Variants in STS observed in about 807,000 individuals in gnomAD.
The protein encoded by STS is steryl-sulfatase.
STS carries 7 observed loss-of-function variants against 26.8 expected under a neutral mutation model. The ratio of observed to expected loss-of-function variants is 0.26; its 90% confidence interval spans 0.15 to 0.49. The LOEUF (loss-of-function observed/expected upper bound fraction) is 0.49. Among genes scored for constraint, STS ranks in the 20% least tolerant of loss-of-function variants. The pLI is 0.98. For missense variants in STS, 434 were observed against 465.6 expected (o/e 0.93, Z 0.63); for synonymous variants, 199 against 189.4 (o/e 1.05, Z -0.42).
intron 1 of STS, among the ~76,000 whole-genome samples, chrX:7,152,873 T>C (rs907162613): frequency 8.9e-6 from 1 of 112,771 alleles, no homozygotes; most frequent in Admixed American, 9.3e-5. Context: ...TTCCAGTTAA[T>C]AACAAGAAAG....
intron 6 of STS, among the ~76,000 whole-genome samples, chrX:7,266,262 T>C (rs1324539112): frequency 5.4e-5 from 6 of 111,992 alleles, no homozygotes; most frequent in Non-Finnish European, 1.1e-4. Flanking sequence ...ACTTCTAAAA[T>C]TTATAGCCTT....
intron 1 of STS, among the ~76,000 whole-genome samples, chrX:7,148,605 G>A (rs777224175): frequency 8.9e-6 from 1 of 112,516 alleles, no homozygotes; most frequent in Non-Finnish European, 1.9e-5. Context: ...TGGTCAGGAG[G>A]TCCCTGGGTG....
intron 7 of STS, among the ~76,000 whole-genome samples, chrX:7,302,313 A>G (rs1412699597): frequency 9.0e-6 from 1 of 111,334 alleles, no homozygotes; most frequent in African/African-American, 3.3e-5. Context: ...ATAGCGCCTT[A>G]TTGTTTCCTT....
chrX:7,340,666 A>T (rs1005343167), intron 10 of STS, among the ~76,000 whole-genome samples: 5 of 110,369 alleles, frequency 4.5e-5, no homozygotes, highest in Non-Finnish European at 7.6e-5. Context: ...AAAAAACAAT[A>T]AAAAAAAACA....
chrX:7,206,020 C>T (rs1311724401), intron 2 of STS, among the ~76,000 whole-genome samples: 1 of 111,483 alleles, frequency 9.0e-6, no homozygotes, highest in Non-Finnish European at 1.9e-5. Flanking sequence ...CATCCACCCA[C>T]TGCACCCCCT....
chrX:7,217,574 C>G (rs1921361025), intron 2 of STS, among the ~76,000 whole-genome samples: 1 of 111,734 alleles, frequency 8.9e-6, no homozygotes, highest in Admixed American at 9.5e-5. Context: ...GTATGAGAGC[C>G]AGTTCTAGTC....
intron 2 of STS, among the ~76,000 whole-genome samples, chrX:7,205,641 CTTTTTTTTTTTT>C (rs11318727): frequency 2.3e-5 from 2 of 87,997 alleles, no homozygotes; most frequent in African/African-American, 8.4e-5. Flanking sequence ...TTTCTTTTTT[CTTTTTTTTTTTT>C]TTTGAGACAG....
chrX:7,303,568 G>A (rs947722210), intron 7 of STS, among the ~76,000 whole-genome samples: 2 of 111,018 alleles, frequency 1.8e-5, no homozygotes, highest in Non-Finnish European at 3.8e-5. Flanking sequence ...AGGGAGAGAT[G>A]AGGCTTAAAA....
chrX:7,187,378 C>T (rs1348541699), intron 1 of STS, among the ~76,000 whole-genome samples: 2 of 111,946 alleles, frequency 1.8e-5, no homozygotes, highest in African/African-American at 6.5e-5. Context: ...AATGACTCAT[C>T]CTAGCTTGCC....
chrX:7,266,434 G>A (rs993512054), intron 6 of STS, among the ~76,000 whole-genome samples: 1 of 111,662 alleles, frequency 9.0e-6, no homozygotes, highest in African/African-American at 3.3e-5. Context: ...CCAGTTTGTG[G>A]CCTGGGATTC....
intron 8 of STS, among the ~76,000 whole-genome samples, chrX:7,324,183 G>C (rs188297567): frequency 2.2e-4 from 24 of 110,347 alleles, no homozygotes; most frequent in African/African-American, 7.3e-4. Context: ...GGGGGGTGAG[G>C]AGGCTTCAGG....
intron 8 of STS, among the ~76,000 whole-genome samples, chrX:7,309,612 A>G (rs1168076489): frequency 9.0e-6 from 1 of 110,812 alleles, no homozygotes. Flanking sequence ...AAAAAAATCT[A>G]TGGGCTAAAT....
chrX:7,176,340 G>C (rs1238809823), intron 1 of STS, among the ~76,000 whole-genome samples: 1 of 111,441 alleles, frequency 9.0e-6, no homozygotes, highest in East Asian at 2.8e-4. Context: ...TTAGGAAAGG[G>C]GTGGGCTTGG....
chrX:7,295,778 C>A (rs1925635157), intron 7 of STS, among the ~76,000 whole-genome samples: 1 of 110,980 alleles, frequency 9.0e-6, no homozygotes, highest in African/African-American at 3.3e-5. Context: ...CTGTGACTGG[C>A]AAACTGAAGG....
At chrX:7,344,594 G>A (rs1222346470) in intron 10 of STS, among the ~76,000 whole-genome samples, 3 of 111,621 alleles carry the variant, frequency 2.7e-5, no homozygotes, top group African/African-American at 6.5e-5. Context: ...TACTGCTCAC[G>A]TTTGGCCAGA....
chrX:7,198,569 A>T (rs1324071141), intron 2 of STS, among the ~76,000 whole-genome samples: 7 of 111,201 alleles, frequency 6.3e-5, no homozygotes, highest in African/African-American at 2.3e-4. Flanking sequence ...CAAAAATGGG[A>T]TTTTTTTCCG....
intron 2 of STS, chrX:7,219,672 G>A: frequency 1.7e-6 from 2 of 1,211,780 alleles, no homozygotes; most frequent in Non-Finnish European, 2.2e-6. Flanking sequence ...ATCACAAGCT[G>A]GAGATGCCTT....
intron 8 of STS, among the ~76,000 whole-genome samples, chrX:7,323,363 C>G (rs1049825322): frequency 9.9e-5 from 11 of 110,684 alleles, no homozygotes; most frequent in African/African-American, 2.6e-4. Context: ...GTTTTTCACT[C>G]CTTGACCTCC....
chrX:7,183,521 C>T (rs1410644758), intron 1 of STS, among the ~76,000 whole-genome samples: 2 of 112,117 alleles, frequency 1.8e-5, no homozygotes, highest in African/African-American at 6.5e-5. Context: ...GTGCCTGGTC[C>T]ACAGCTAAGG....
Sources: gnomAD v4.1 joint callset for allele counts (sites outside exome capture counted in the v4.1 genomes callset) on GRCh38, gnomAD v4.1.1 for gene constraint, MANE v1.5 for transcripts, NCBI Gene and HGNC (gene_info 2026-07-23, HGNC 2026-07-21) for gene names.